The following TCF3 variants were observed in gnomAD, a reference collection of about 807,000 sequenced individuals.
The protein encoded by TCF3 is transcription factor E2-alpha.
TCF3 carries 54 observed loss-of-function variants against 72.3 expected under a neutral mutation model. That is an observed-to-expected ratio of 0.75 (90% CI 0.60 to 0.94). The LOEUF (loss-of-function observed/expected upper bound fraction) is 0.94. Ranked by LOEUF, TCF3 falls within the 40% of genes least tolerant of loss-of-function variation. The pLI is 0.00. For missense variants in TCF3, 1,078 were observed against 934.4 expected (o/e 1.15, Z -2.00); for synonymous variants, 525 against 412.6 (o/e 1.27, Z -3.30).
rs140560494 is a variant in TCF3 at position 1,623,984 on chromosome 19, C to T, written c.516G>A (p.Lys172=). The T allele has an allele frequency of 1.1e-5, 18 of 1,613,376 alleles. No homozygotes were observed. The African/African-American group carries it at 1.6e-4, about 14-fold the overall frequency. The change falls in exon 8 of 19, where the codon AAG becomes AAA. Residue 172 remains lysine, a synonymous_variant. Transcript: ENST00000262965. ...GAAGACCCGGCGGGACCTTCCGGAC[C>T]TTCTTGGGCTGCGTGTCTGTTAGAA... The part of the protein sequence containing the change: ...ADGSLDTQPK[K]VRKVPPGLPS...
At chr19:1,621,292 C>CG in intron 11 of TCF3, 101 bp from the exon 12 acceptor site, 1 of 1,353,586 alleles carries the variant, frequency 7.4e-7, no homozygotes, top group Non-Finnish European at 1.0e-6. Flanking sequence ...CACTGCTGCG[C>CG]CAGGGAGAGC....
intron 1 of TCF3, chr19:1,651,383 CG>C (rs2067018314): frequency 4.4e-6 from 1 of 226,802 alleles, no homozygotes; most frequent in African/African-American, 2.2e-5. Flanking sequence ...GGGTGTGAAG[CG>C]GGCGCCCCAG....
At chr19:1,647,630 C>G (rs2066327467) in intron 2 of TCF3, among the ~76,000 whole-genome samples, 1 of 152,204 alleles carries the variant, frequency 6.6e-6, no homozygotes, top group Non-Finnish European at 1.5e-5. Context: ...TCCGGTGCAC[C>G]CAGCCTCCCC....
intron 3 of TCF3, among the ~76,000 whole-genome samples, chr19:1,642,417 G>A (rs1414660816): frequency 6.6e-6 from 1 of 152,206 alleles, no homozygotes; most frequent in Non-Finnish European, 1.5e-5. Context: ...ACCACGGGTG[G>A]GCGGGACGGT....
chr19:1,627,576 T>G, intron 5 of TCF3, 150 bp from the exon 6 acceptor site: 1 of 699,782 alleles, frequency 1.4e-6, no homozygotes, highest in East Asian at 2.8e-5. Flanking sequence ...CTGACCCCAG[T>G]GTGCCCATCT....
chr19:1,642,274 ACGCACAGACG>A (rs985116486), intron 3 of TCF3, among the ~76,000 whole-genome samples: 1 of 151,586 alleles, frequency 6.6e-6, no homozygotes, highest in Admixed American at 6.6e-5. Context: ...ACGCACGCAC[ACGCACAGACG>A]CGCACACGCA....
intron 8 of TCF3, among the ~76,000 whole-genome samples, chr19:1,623,000 G>A (rs1011128848): frequency 6.6e-6 from 1 of 152,200 alleles, no homozygotes; most frequent in Admixed American, 6.5e-5. Context: ...AAACTGGGGG[G>A]CGGTTTCAGG....
chr19:1,638,539 A>G (rs963329112), intron 3 of TCF3, among the ~76,000 whole-genome samples: 1 of 152,172 alleles, frequency 6.6e-6, no homozygotes, highest in Non-Finnish European at 1.5e-5. Flanking sequence ...GGCCTCGGAC[A>G]ATGTTTTTTA....
intron 3 of TCF3, among the ~76,000 whole-genome samples, chr19:1,636,565 C>T (rs2064437685): frequency 6.6e-6 from 1 of 152,178 alleles, no homozygotes; most frequent in Admixed American, 6.5e-5. Context: ...TTCCCAAAGC[C>T]CTGGGGTCAC....
In TCF3 at chr19:1,621,981, A is replaced by C; in HGVS notation, c.823-11T>G. On this transcript the variant is annotated splice_polypyrimidine_tract_variant and intron_variant, in intron 10 of 18. Transcript: ENST00000262965. ...ATGCAGCTGGTAGCCCTGGGGGGTCAGGCAGGAGGAGGGTGGGTTAGATGG... is the reference window on the plus strand; with the variant it reads ...ATGCAGCTGGTAGCCCTGGGGGGTCCGGCAGGAGGAGGGTGGGTTAGATGG... 6.2e-7 allele frequency: 1 copy of C among 1,602,510 alleles called. No homozygotes were observed. The highest frequency in any genetic ancestry group is 8.5e-7 in the Non-Finnish European group (1 of 1,175,072).
intron 6 of TCF3, among the ~76,000 whole-genome samples, chr19:1,626,272 G>A (rs2062863465): frequency 6.6e-6 from 1 of 152,136 alleles, no homozygotes; most frequent in South Asian, 2.1e-4. Flanking sequence ...CCAACATGGA[G>A]AAACTCCGTC....
intron 6 of TCF3, among the ~76,000 whole-genome samples, chr19:1,626,510 C>A (rs1376689000): frequency 3.9e-5 from 6 of 152,106 alleles, no homozygotes; most frequent in African/African-American, 1.2e-4. Flanking sequence ...GGTGGCCCAG[C>A]GCCCAGGACA....
At chr19:1,629,467 G>C (rs1204745510) in intron 5 of TCF3, among the ~76,000 whole-genome samples, 1 of 152,058 alleles carries the variant, frequency 6.6e-6, no homozygotes, top group African/African-American at 2.4e-5. Context: ...CTACGGAGGG[G>C]GTCAGCTGGC....
intron 16 of TCF3, among the ~76,000 whole-genome samples, chr19:1,617,159 G>A (rs1438031958): frequency 6.6e-6 from 1 of 152,204 alleles, no homozygotes; most frequent in African/African-American, 2.4e-5. Flanking sequence ...CTGTGGGAGG[G>A]CAACTTGGCT....
chr19:1,641,759 T>C (rs2065276476), intron 3 of TCF3, among the ~76,000 whole-genome samples: 1 of 152,004 alleles, frequency 6.6e-6, no homozygotes, highest in Non-Finnish European at 1.5e-5. Context: ...AGCTGAAATT[T>C]TTCTTTTTTT....
intron 3 of TCF3, among the ~76,000 whole-genome samples, chr19:1,639,869 C>A (rs1055277822): frequency 3.3e-5 from 5 of 150,484 alleles, no homozygotes; most frequent in African/African-American, 1.2e-4. Context: ...ACTGATGGAA[C>A]AGAAGAGGGC....
chr19:1,651,426 T>C (rs894339224), intron 1 of TCF3: 4 of 225,260 alleles, frequency 1.8e-5, no homozygotes, highest in Non-Finnish European at 2.7e-5. Context: ...TTTTTTTCTT[T>C]TTTGGAGGGC....
In TCF3 at chr19:1,650,870, G is replaced by A. The variant is rs1265811494; in HGVS notation, c.-39-583C>T. ...AGCTTCAAGACTTAAAGTGCCGGGG[G>A]TGGGGGGGACGCGCATCCTATGCAG... is the stretch of plus-strand genomic sequence containing the variant. On this transcript the variant is annotated intron_variant, in intron 1 of 18. Transcript: ENST00000262965. 3.4e-5 allele frequency: 8 copies of A among 231,884 alleles called. No homozygotes were observed. In the East Asian group the frequency reaches 4.3e-4, roughly 12 times the overall value. 14.4% of individuals were successfully genotyped at this position (231,884 alleles called of 1,614,324 possible).
chr19:1,642,596 G>A (rs146933628), intron 3 of TCF3, among the ~76,000 whole-genome samples: 26 of 152,224 alleles, frequency 1.7e-4, no homozygotes, highest in Non-Finnish European at 3.2e-4. Flanking sequence ...GAAGACCACC[G>A]CCCTCTATTA....
Sources: gnomAD v4.1 joint callset for allele counts (sites outside exome capture counted in the v4.1 genomes callset) on GRCh38, gnomAD v4.1.1 for gene constraint, MANE v1.5 for transcripts, NCBI Gene and HGNC (gene_info 2026-07-23, HGNC 2026-07-21) for gene names.